RASA3: variants seen among roughly 807,000 people sequenced by gnomAD.
RASA3 encodes the protein RAS p21 protein activator 3, also known as ras GTPase-activating protein 3.
A neutral mutation model predicts 110.0 loss-of-function variants in RASA3; 73 were observed. The observed-to-expected ratio is 0.66, with a 90% CI of 0.55 to 0.81. The LOEUF (loss-of-function observed/expected upper bound fraction) is 0.81. Among genes scored for constraint, RASA3 ranks in the 30% least tolerant of loss-of-function variants. The probability of loss-of-function intolerance (pLI) is 0.00; values close to 1 mark genes in which losing one functional copy is unlikely to be tolerated. For missense variants in RASA3, 976 were observed against 1,113.2 expected, an observed-to-expected ratio of 0.88 and a Z score of 1.75; for synonymous variants, 500 against 451.4, an observed-to-expected ratio of 1.11 and a Z score of -1.37.
Position 114,015,263 on chromosome 13 carries a change from C to T in RASA3, c.1351G>A (p.Val451Ile), listed in dbSNP as rs769510463. 16 of 1,613,062 alleles carry T rather than the reference C, an allele frequency of 9.9e-6. No homozygotes were observed. The highest frequency in any genetic ancestry group is 4.0e-5 in the African/African-American group (3 of 74,932). ...AGGGAGAAGAAGATGTCACACATGA[C>T]GGTCGGGCAGCTCACCCCAGACTCA... is the stretch of plus-strand genomic sequence containing the variant. ...ITESGVSCPTVMCDIFFSLRE... is the reference protein window; with the variant it reads ...ITESGVSCPTIMCDIFFSLRE... The change falls in exon 14 of 24, where the codon GTC (valine) becomes ATC (isoleucine). Residue 451 changes from valine (V) to isoleucine (I), a missense_variant. Coordinates refer to ENST00000334062, the MANE Select transcript of RASA3 (RefSeq NM_007368.4).
At chr13:114,104,310 AC>A (rs1460205133) in intron 1 of RASA3, among the ~76,000 whole-genome samples, 1 of 80,138 alleles carries the variant, frequency 1.2e-5, no homozygotes, top group African/African-American at 5.1e-5. Context: ...ACGGACACCC[AC>A]CCCCGATGCG....
chr13:114,013,773 T>C (rs1307295205), intron 14 of RASA3, among the ~76,000 whole-genome samples: 2 of 148,328 alleles, frequency 1.3e-5, no homozygotes, highest in Non-Finnish European at 3.0e-5. Context: ...TCTCTGTCTC[T>C]CTCCCTCTCT....
At chr13:114,093,026 C>T (rs1036522188) in intron 1 of RASA3, among the ~76,000 whole-genome samples, 5 of 148,184 alleles carry the variant, frequency 3.4e-5, no homozygotes, top group African/African-American at 1.2e-4. Flanking sequence ...ACTCTCTTCT[C>T]CTCCCATATT....
intron 1 of RASA3, among the ~76,000 whole-genome samples, chr13:114,074,876 C>T (rs183528926): frequency 1.3e-5 from 2 of 152,372 alleles, no homozygotes; most frequent in African/African-American, 4.8e-5. Context: ...CAGCGGCAAG[C>T]CTAACGGCCC....
chr13:114,117,154 GA>G (rs2080293606), intron 1 of RASA3, among the ~76,000 whole-genome samples: 2 of 126,638 alleles, frequency 1.6e-5, no homozygotes, highest in African/African-American at 6.1e-5. Context: ...GCACGTGTGT[GA>G]GGGGTGCACG....
In RASA3 at chr13:114,021,498, A is replaced by G. The variant is rs780159065; in HGVS notation, c.691T>C (p.Trp231Arg). 7 of 1,613,738 alleles carry G rather than the reference A, an allele frequency of 4.3e-6. No homozygotes were observed. The Middle Eastern group carries it at 4.9e-4, about 114-fold the overall frequency. The change falls in exon 9 of 24, where the codon TGG becomes CGG. Residue 231 changes from tryptophan to arginine, a missense_variant. Around this residue, in one of 4 missense-constraint regions of RASA3, gnomAD observed 732 missense variants for 779.7 expected, o/e 0.94. Coordinates refer to ENST00000334062, the MANE Select transcript of RASA3 (RefSeq NM_007368.4). ...CCAAACTTCAGGTTACTGGCATTCCAGAGGTCAACTCTGAAAAACAGCATC... is the reference window on the plus strand; with the variant it reads ...CCAAACTTCAGGTTACTGGCATTCCGGAGGTCAACTCTGAAAAACAGCATC... ...VDKLEIRVDL[W>R]NASNLKFGDE... is the part of the protein sequence containing the mutation.
At chr13:114,034,403 A>G (rs2054241172) in intron 4 of RASA3, among the ~76,000 whole-genome samples, 1 of 152,284 alleles carries the variant, frequency 6.6e-6, no homozygotes, top group African/African-American at 2.4e-5. Context: ...CCCCAGCAGC[A>G]GGCTGTGTGG....
intron 1 of RASA3, among the ~76,000 whole-genome samples, chr13:114,087,710 C>T (rs951900257): frequency 3.3e-5 from 5 of 152,230 alleles, no homozygotes; most frequent in East Asian, 3.8e-4. Context: ...GGCGCCCGCC[C>T]GACACCACCA....
At chr13:114,012,387 C>T (rs1286257206) in intron 15 of RASA3, among the ~76,000 whole-genome samples, 1 of 149,802 alleles carries the variant, frequency 6.7e-6, no homozygotes, top group Admixed American at 6.6e-5. Flanking sequence ...CCACACTCCC[C>T]GTGCACCGTC....
At chr13:114,016,994 T>C (rs1203682257) in intron 12 of RASA3, among the ~76,000 whole-genome samples, 1 of 152,226 alleles carries the variant, frequency 6.6e-6, no homozygotes, top group Non-Finnish European at 1.5e-5. Context: ...TTGCATGTTC[T>C]CCTTTGTGGA....
chr13:114,042,032 G>A (rs1327737109), intron 3 of RASA3, among the ~76,000 whole-genome samples: 1 of 152,230 alleles, frequency 6.6e-6, no homozygotes, highest in Non-Finnish European at 1.5e-5. Flanking sequence ...TACGCTTCCA[G>A]TGAAAATACG....
intron 2 of RASA3, among the ~76,000 whole-genome samples, chr13:114,070,095 A>C (rs1365641986): frequency 3.6e-5 from 1 of 27,610 alleles, no homozygotes; most frequent in African/African-American, 1.5e-4. Flanking sequence ...ACTTGGGGGG[A>C]CCGGGAAACT....
chr13:114,004,992 G>A (rs1043776276), intron 18 of RASA3, among the ~76,000 whole-genome samples: 4 of 152,296 alleles, frequency 2.6e-5, no homozygotes, highest in East Asian at 1.9e-4. Context: ...ACTAGAGGTT[G>A]TTATCTTAAG....
In RASA3 at chr13:114,029,901, G is replaced by C. The variant is rs778026290; in HGVS notation, c.373-14C>G. The C allele has an allele frequency of 1.9e-6, 3 of 1,549,212 alleles. No individual in the cohort carries two copies. Among genetic ancestry groups the C allele is most frequent in the Non-Finnish European group, 2.6e-6 (3 of 1,149,176 alleles). On this transcript the variant is annotated splice_polypyrimidine_tract_variant and intron_variant, in intron 4 of 23. Transcript: ENST00000334062. ...GTGCACTTTGCCCTGCAAGGCACAA[G>C]GATGGGGTGTCAGAGGCTGTGGCGC...
At chr13:113,995,684 G>GGCTGGCTGACGGAGGA (rs2053219552) in intron 21 of RASA3, among the ~76,000 whole-genome samples, 4 of 101,470 alleles carry the variant, frequency 3.9e-5, no homozygotes, top group African/African-American at 7.2e-5. Context: ...GCTGATGGGG[G>GGCTGGCTGACGGAGGA]CCCGGCTGAT....
Position 113,980,269 on chromosome 13 carries a change from GCA to G in RASA3, c.2430-849_2430-848del, listed in dbSNP as rs1566436958. ...CATGTGTGCCTTCTCCCACATGTGC[GCA>G]CCTCCTCCCACGTGTGCACCTTCTG... On this transcript the variant is annotated intron_variant, in intron 23 of 23. Transcript: ENST00000334062. Among the ~76,000 whole-genome samples, 654 of 139,946 alleles carry G rather than the reference GCA, an allele frequency of 4.7e-3. 4 individuals are homozygous for G. Among genetic ancestry groups the G allele is most frequent in the African/African-American group, 0.017 (624 of 36,430 alleles). The allele number at this position is 139,946 out of a possible 152,430, so 91.8% of individuals were successfully genotyped here.
intron 15 of RASA3, among the ~76,000 whole-genome samples, chr13:114,012,593 C>A (rs2053659971): frequency 7.2e-6 from 1 of 139,076 alleles, no homozygotes; most frequent in African/African-American, 3.0e-5. Context: ...TCCACACACA[C>A]TCCTCATTCC....
chr13:114,116,658 A>C (rs1183392754), intron 1 of RASA3, among the ~76,000 whole-genome samples: 1 of 152,284 alleles, frequency 6.6e-6, no homozygotes, highest in Non-Finnish European at 1.5e-5. Flanking sequence ...TTAATGAAAA[A>C]TTAACTCTGC....
intron 1 of RASA3, among the ~76,000 whole-genome samples, chr13:114,082,842 A>G (rs1207012301): frequency 6.6e-6 from 1 of 152,234 alleles, no homozygotes; most frequent in Non-Finnish European, 1.5e-5. Flanking sequence ...CATACATTGC[A>G]CTAGTGTAAA....
Sources: allele counts gnomAD v4.1 joint callset (sites outside exome capture counted in the v4.1 genomes callset), GRCh38; gene constraint gnomAD v4.1.1; regional missense constraint gnomAD v4.1.1; transcripts MANE v1.5; gene names NCBI Gene and HGNC (gene_info 2026-07-23, HGNC 2026-07-21).